PTPRD: variants seen among roughly 807,000 people sequenced by gnomAD.
The protein encoded by PTPRD is receptor-type tyrosine-protein phosphatase delta.
A neutral mutation model predicts 214.5 loss-of-function variants in PTPRD; 34 were observed. The observed-to-expected ratio is 0.16, with a 90% CI of 0.12 to 0.21. The LOEUF (loss-of-function observed/expected upper bound fraction) is 0.21. Ranked by LOEUF, PTPRD falls within the 10% of genes least tolerant of loss-of-function variation. The pLI, the probability that PTPRD is intolerant of heterozygous loss-of-function variation, is 1.00. For synonymous variants in PTPRD, 1,128 were observed against 845.7 expected (o/e 1.33, Z -5.79); for missense variants, 2,545 against 2,398.7 (o/e 1.06, Z -1.27).
intron 7 of PTPRD, among the ~76,000 whole-genome samples, chr9:9,587,598 G>C (rs2092210173): frequency 6.6e-6 from 1 of 151,998 alleles, no homozygotes; most frequent in African/African-American, 2.4e-5. Flanking sequence ...TCAAACTTCA[G>C]AGTACATCAT....
chr9:9,642,220 T>A (rs1400816686), intron 7 of PTPRD, among the ~76,000 whole-genome samples: 1 of 132,532 alleles, frequency 7.5e-6, no homozygotes, highest in Non-Finnish European at 1.6e-5. Context: ...AACAATGAGA[T>A]CACATGGACA....
intron 4 of PTPRD, among the ~76,000 whole-genome samples, chr9:9,953,361 A>T (rs1013849705): frequency 7.2e-4 from 109 of 152,264 alleles, no homozygotes; most frequent in African/African-American, 2.4e-3. Flanking sequence ...GGTACAGTGT[A>T]CACCATTCAG....
intron 7 of PTPRD, among the ~76,000 whole-genome samples, chr9:9,593,530 T>A (rs2092976527): frequency 6.6e-6 from 1 of 151,902 alleles, no homozygotes; most frequent in Non-Finnish European, 1.5e-5. Context: ...AAACTCCTGA[T>A]AAAAAATGTT....
chr9:10,353,791 C>T (rs1190830742), intron 2 of PTPRD, among the ~76,000 whole-genome samples: 3 of 151,772 alleles, frequency 2.0e-5, no homozygotes, highest in African/African-American at 4.8e-5. Context: ...AAAAAAAAGG[C>T]GTTGGAATAA....
intron 9 of PTPRD, among the ~76,000 whole-genome samples, chr9:9,286,198 G>C (rs1004979292): frequency 1.3e-5 from 2 of 151,770 alleles, no homozygotes; most frequent in Admixed American, 1.3e-4. Context: ...TATGTGTAGT[G>C]AATTCTGTTT....
intron 11 of PTPRD, among the ~76,000 whole-genome samples, chr9:8,835,079 C>T (rs1339678251): frequency 6.6e-6 from 1 of 152,206 alleles, no homozygotes. Context: ...TCAGTAAAGA[C>T]AGTGGCATGG....
chr9:9,516,727 G>T (rs561968991), intron 8 of PTPRD, among the ~76,000 whole-genome samples: 2 of 151,776 alleles, frequency 1.3e-5, no homozygotes, highest in African/African-American at 2.4e-5. Flanking sequence ...TAGTAAAGAC[G>T]GGGCTTCGCT....
At chr9:9,518,704 A>C (rs552072772) in intron 8 of PTPRD, among the ~76,000 whole-genome samples, 1 of 152,188 alleles carries the variant, frequency 6.6e-6, no homozygotes, top group South Asian at 2.1e-4. Flanking sequence ...ATTGTGTGAA[A>C]GAGTTTTAAT....
chr9:10,078,965 T>A (rs1161039613), intron 3 of PTPRD, among the ~76,000 whole-genome samples: 1 of 152,130 alleles, frequency 6.6e-6, no homozygotes, highest in African/African-American at 2.4e-5. Flanking sequence ...TAAATCTACT[T>A]TCAATCGTTA....
intron 34 of PTPRD, among the ~76,000 whole-genome samples, chr9:8,440,696 T>C (rs1295599524): frequency 6.6e-6 from 1 of 152,128 alleles, no homozygotes; most frequent in Non-Finnish European, 1.5e-5. Flanking sequence ...AGAGTCAACA[T>C]GAAAAATGAC....
At chr9:8,375,159 A>G (rs1338539676) in intron 39 of PTPRD, among the ~76,000 whole-genome samples, 1 of 151,958 alleles carries the variant, frequency 6.6e-6, no homozygotes, top group Admixed American at 6.6e-5. Context: ...ATAGTAATAA[A>G]TAGACTCTGA....
intron 11 of PTPRD, among the ~76,000 whole-genome samples, chr9:8,832,368 C>CA: frequency 7.4e-6 from 1 of 134,422 alleles, no homozygotes; most frequent in East Asian, 2.2e-4. Context: ...AGCAGAAAAA[C>CA]AAAAAGATGT....
At chr9:8,356,074 C>T (rs2076926069) in intron 39 of PTPRD, among the ~76,000 whole-genome samples, 1 of 152,110 alleles carries the variant, frequency 6.6e-6, no homozygotes, top group Non-Finnish European at 1.5e-5. Flanking sequence ...GGAGAGACCG[C>T]AAAGGGCTGC....
At chr9:9,984,120 T>A (rs1164307989) in intron 4 of PTPRD, among the ~76,000 whole-genome samples, 3 of 152,204 alleles carry the variant, frequency 2.0e-5, no homozygotes, top group Non-Finnish European at 2.9e-5. Context: ...TTACAAAAAA[T>A]TTTAAATATA....
At chr9:10,453,846 G>T (rs2098875849) in intron 2 of PTPRD, among the ~76,000 whole-genome samples, 1 of 151,500 alleles carries the variant, frequency 6.6e-6, no homozygotes, top group Non-Finnish European at 1.5e-5. Flanking sequence ...CAATGAAACT[G>T]GTAAGAATGA....
At chr9:10,422,548 C>G (rs540337885) in intron 2 of PTPRD, among the ~76,000 whole-genome samples, 6 of 151,884 alleles carry the variant, frequency 4.0e-5, no homozygotes, top group Admixed American at 3.9e-4. Flanking sequence ...AAAATTTTTG[C>G]AATCTACCCA....
At chr9:10,176,696 C>G (rs958870746) in intron 3 of PTPRD, among the ~76,000 whole-genome samples, 1 of 151,954 alleles carries the variant, frequency 6.6e-6, no homozygotes, top group South Asian at 2.1e-4. Flanking sequence ...CTCCAGAGAT[C>G]CTCAACCATG....
intron 23 of PTPRD, among the ~76,000 whole-genome samples, chr9:8,502,331 A>G (rs534175150): frequency 2.6e-5 from 4 of 152,090 alleles, no homozygotes; most frequent in Non-Finnish European, 4.4e-5. Flanking sequence ...AAGCAATCCT[A>G]TATTTCATAT....
At chr9:8,426,963 T>C (rs2094719000) in intron 35 of PTPRD, among the ~76,000 whole-genome samples, 1 of 152,144 alleles carries the variant, frequency 6.6e-6, no homozygotes, top group Admixed American at 6.5e-5. Flanking sequence ...CTGTTTTGGA[T>C]GCAATGTTTC....
Sources: gnomAD v4.1 joint callset for allele counts (sites outside exome capture counted in the v4.1 genomes callset) on GRCh38, gnomAD v4.1.1 for gene constraint, MANE v1.5 for transcripts, NCBI Gene and HGNC (gene_info 2026-07-23, HGNC 2026-07-21) for gene names.